Variants in TAGLN2 observed in about 807,000 individuals in gnomAD.
The protein encoded by TAGLN2 is transgelin-2.
A neutral mutation model predicts 24.9 loss-of-function variants in TAGLN2; 14 were observed. The observed-to-expected ratio is 0.56, with a 90% CI of 0.37 to 0.88. The LOEUF (loss-of-function observed/expected upper bound fraction) is 0.88. Ranked by LOEUF, TAGLN2 falls within the 40% of genes least tolerant of loss-of-function variation. TAGLN2 has a pLI of 0.00. For missense variants in TAGLN2, 208 were observed against 258.9 expected (o/e 0.80, Z 1.35); for synonymous variants, 77 against 98.2 (o/e 0.78, Z 1.28).
intron 1 of TAGLN2, among the ~76,000 whole-genome samples, chr1:159,924,291 T>C (rs1557927034): frequency 6.6e-6 from 1 of 152,150 alleles, no homozygotes; most frequent in African/African-American, 2.4e-5. Context: ...TGGCCTCCTC[T>C]GCAGTTGTAG....
chr1:159,925,475 C>T lies in TAGLN2; in HGVS notation c.-54G>A, dbSNP rs1222490298. On this transcript the variant is annotated 5_prime_UTR_variant, in exon 1 of 5. Coordinates refer to ENST00000368097, the MANE Select transcript of TAGLN2 (RefSeq NM_003564.3). ...CGTTCAAGCGGGCTGGAGAGCGGCG[C>T]ACTGACTCAAGGCAAGGGCTGCAGC... 1 of 152,340 alleles carries T rather than the reference C, an allele frequency of 6.6e-6. No individual in the cohort carries two copies. The highest frequency in any genetic ancestry group is 2.4e-5 in the African/African-American group (1 of 41,466). 9.4% of individuals were successfully genotyped at this position (152,340 alleles called of 1,614,324 possible).
Position 159,919,352 on chromosome 1 carries a change from C to T in TAGLN2, c.380G>A (p.Arg127Gln), listed in dbSNP as rs527922343. Reference sequence around the variant, plus strand: ...CAGCCCACCCAGATTCATCAGCGTCCGCTGCACACAGGCCATGTTCTTTCC... The same window carrying T: ...CAGCCCACCCAGATTCATCAGCGTCTGCTGCACACAGGCCATGTTCTTTCC... ...WEGKNMACVQ[R>Q]TLMNLGGLAV... The change falls in exon 4 of 5, where the codon CGG (arginine) becomes CAG (glutamine). Residue 127 changes from arginine (R) to glutamine (Q), a missense_variant. Transcript: ENST00000368097. 4.5e-5 allele frequency: 73 copies of T among 1,614,094 alleles called. No homozygotes were observed. Among genetic ancestry groups the T allele is most frequent in the African/African-American group, 8.0e-5 (6 of 74,924 alleles).
At position 159,918,912 on chromosome 1, in the gene TAGLN2, G is replaced by A. The variant is rs778503050; in HGVS notation, c.488C>T (p.Ser163Leu). 1.1e-5 allele frequency: 17 copies of A among 1,614,100 alleles called. No individual in the cohort carries two copies. Among genetic ancestry groups the A allele is most frequent in the East Asian group, 8.9e-5 (4 of 44,892 alleles). The change falls in exon 5 of 5, where the codon TCG (serine) becomes TTG (leucine). Residue 163 changes from serine to leucine, a missense_variant. Coordinates refer to ENST00000368097, the MANE Select transcript of TAGLN2 (RefSeq NM_003564.3). ...KKSKENPRNF[S>L]DNQLQEGKNV... is the part of the protein sequence containing the mutation. ...CTTGCCCTCTTGCAGCTGGTTATCCGAGAAGTTCCGAGGATTCTCCTTGGA... is the reference window on the plus strand; with the variant it reads ...CTTGCCCTCTTGCAGCTGGTTATCCAAGAAGTTCCGAGGATTCTCCTTGGA...
intron 1 of TAGLN2, among the ~76,000 whole-genome samples, chr1:159,922,857 G>T (rs1158117613): frequency 6.6e-6 from 1 of 152,236 alleles, no homozygotes; most frequent in African/African-American, 2.4e-5. Flanking sequence ...CCACTGGGTG[G>T]AAAGTGGATG....
rs758474454 is a variant in TAGLN2, at chr1:159,919,356, G to A, written c.376C>T (p.Gln126Ter). 8 of 1,614,220 alleles carry A rather than the reference G, an allele frequency of 5.0e-6. No individual in the cohort carries two copies. The highest frequency in any genetic ancestry group is 6.8e-6 in the Non-Finnish European group (8 of 1,180,038). ...CCACCCAGATTCATCAGCGTCCGCT[G>A]CACACAGGCCATGTTCTTTCCTGGG... ...LWEGKNMACV[Q>*]RTLMNLGGLA... The change falls in exon 4 of 5, where the codon CAG becomes TAG. Residue 126 changes from glutamine to a stop codon, truncating the protein, a stop_gained. Transcript: ENST00000368097. LOFTEE classifies it high-confidence loss of function.
At chr1:159,923,323 A>G in intron 1 of TAGLN2, 1 of 1,207,052 alleles carries the variant, frequency 8.3e-7, no homozygotes, top group Non-Finnish European at 1.2e-6. Context: ...CCCTAGCGCT[A>G]CTGCAGCTGT....
At chr1:159,920,647 C>T in intron 1 of TAGLN2, 110 bp from the exon 2 acceptor site, 1 of 1,478,112 alleles carries the variant, frequency 6.8e-7, no homozygotes, top group Non-Finnish European at 9.0e-7. Flanking sequence ...ACGGTGAGCC[C>T]CAAGGATGAG....
At chr1:159,923,797 G>A (rs1650613759) in intron 1 of TAGLN2, 1 of 313,896 alleles carries the variant, frequency 3.2e-6, no homozygotes, top group Non-Finnish European at 5.9e-6. Context: ...GGATGAGGTG[G>A]GGGCCGTTGC....
At chr1:159,919,168 G>A in intron 4 of TAGLN2, 106 bp downstream of exon 4, 1 of 1,310,542 alleles carries the variant, frequency 7.6e-7, no homozygotes, top group Non-Finnish European at 1.1e-6. Flanking sequence ...TTCTGAAAGT[G>A]CTTTGTAAAG....
In TAGLN2 at chr1:159,919,759, G is replaced by C; in HGVS notation, c.257C>G (p.Ala86Gly). ...AGAGATCTGCTCCATCTGCTTGAAG[G>C]CCATGGTGGAGGCCTGGATCTTCTT... Reference protein sequence around the residue: ...PVKKIQASTMAFKQMEQISQF... With the variant: ...PVKKIQASTMGFKQMEQISQF... Residue 86 changes from alanine (A) to glycine (G), a missense_variant, in exon 3 of 5, where the codon GCC becomes GGC. Coordinates refer to ENST00000368097, the MANE Select transcript of TAGLN2 (RefSeq NM_003564.3). 1 of 1,614,052 alleles carries C rather than the reference G, an allele frequency of 6.2e-7. No homozygotes were observed. The highest frequency in any genetic ancestry group is 8.5e-7 in the Non-Finnish European group (1 of 1,179,974).
chr1:159,923,692 C>CTCTTTAAATG, intron 1 of TAGLN2: 1 of 463,124 alleles, frequency 2.2e-6, no homozygotes, highest in South Asian at 3.7e-5. Context: ...TTAAGGGAAC[C>CTCTTTAAATG]ACCGTAGGGC....
chr1:159,920,799 T>C (rs775593928), intron 1 of TAGLN2, among the ~76,000 whole-genome samples: 53 of 152,218 alleles, frequency 3.5e-4, no homozygotes, highest in Non-Finnish European at 6.5e-4. Context: ...TCTTTGCTTT[T>C]TTTTTAACCA....
At chr1:159,920,130 C>T (rs1010405647) in intron 2 of TAGLN2, 200 bp downstream of exon 2, 4 of 892,236 alleles carry the variant, frequency 4.5e-6, no homozygotes, top group South Asian at 1.4e-5. Context: ...CTGGGAGGCA[C>T]ATTCACCCTT....
At chr1:159,918,969 G>A in intron 4 of TAGLN2, 28 bp from the exon 5 acceptor site, 1 of 1,613,130 alleles carries the variant, frequency 6.2e-7, no homozygotes. Flanking sequence ...GGTGGTTAGA[G>A]GAGATCACAG....
Position 159,918,496 on chromosome 1 carries a change from A to G in TAGLN2, c.*304T>C, listed in dbSNP as rs1430715112. 3.2e-6 allele frequency: 1 copy of G among 317,024 alleles called. No individual in the cohort carries two copies. Among genetic ancestry groups the G allele is most frequent in the Non-Finnish European group, 5.9e-6 (1 of 169,736 alleles). 19.6% of individuals were successfully genotyped at this position (317,024 alleles called of 1,614,324 possible). On this transcript the variant is annotated 3_prime_UTR_variant, in exon 5 of 5. Coordinates refer to ENST00000368097, the MANE Select transcript of TAGLN2 (RefSeq NM_003564.3). The stretch of plus-strand genomic sequence containing the variant: ...AGAGACAGAACAGGCCAGGGGGAAG[A>G]AGGAGAGACAGAATAGGCCAGGGCA...
Position 159,919,396 on chromosome 1 carries a change from T to G in TAGLN2, c.356-20A>C, listed in dbSNP as rs774757656. 1.3e-5 allele frequency: 21 copies of G among 1,611,142 alleles called. No homozygotes were observed. Among genetic ancestry groups the G allele is most frequent in the Non-Finnish European group, 1.7e-5 (20 of 1,177,350 alleles). ...TCTTTCCTGGGAAGGAGAATGGGAA[T>G]GTGTCAGCCTCCGCAGTGTCCTAGA... On this transcript the variant is annotated intron_variant, in intron 3 of 4. Coordinates refer to ENST00000368097, the MANE Select transcript of TAGLN2 (RefSeq NM_003564.3).
Position 159,919,847 on chromosome 1 carries a change from C to T in TAGLN2, c.181-12G>A. The T allele has an allele frequency of 6.2e-7, 1 of 1,611,480 alleles. No individual in the cohort carries two copies. Among genetic ancestry groups the T allele is most frequent in the Non-Finnish European group, 8.5e-7 (1 of 1,177,920 alleles). ...AGCTCACATAGCACCTGGATGAGGA[C>T]AGCAGGGGTGGAAAGGTGAGAATAT... is the stretch of plus-strand genomic sequence containing the variant. On this transcript the variant is annotated splice_polypyrimidine_tract_variant and intron_variant, in intron 2 of 4. Transcript: ENST00000368097.
In TAGLN2 at chr1:159,918,972, G is replaced by A. The variant is rs759643966; in HGVS notation, c.459-31C>T. The A allele has an allele frequency of 9.9e-6, 16 of 1,612,786 alleles. 1 individual carries two copies. In the South Asian group the frequency reaches 1.5e-4, roughly 16 times the overall value. ...TGACAAGGGAGTGGTGGTTAGAGGA[G>A]ATCACAGGCTGCCCTAGTAAATCCC... is the stretch of plus-strand genomic sequence containing the variant. On this transcript the variant is annotated intron_variant, in intron 4 of 4. Transcript: ENST00000368097.
At chr1:159,919,125 G>C (rs1261678101) in intron 4 of TAGLN2, 149 bp downstream of exon 4, 4 of 1,248,504 alleles carry the variant, frequency 3.2e-6, no homozygotes, top group Non-Finnish European at 4.6e-6. Flanking sequence ...CCATCCCAGA[G>C]GGTGTTGTGA....
Sources: allele counts gnomAD v4.1 joint callset (sites outside exome capture counted in the v4.1 genomes callset), GRCh38; gene constraint gnomAD v4.1.1; transcripts MANE v1.5; gene names NCBI Gene and HGNC (gene_info 2026-07-23, HGNC 2026-07-21).